PHF24: variants seen among roughly 807,000 people sequenced by gnomAD.
PHF24 encodes Galpha inhibitory interacting protein.
A neutral mutation model predicts 42.6 loss-of-function variants in PHF24; 25 were observed. That is an observed-to-expected ratio of 0.59 (90% CI 0.43 to 0.82). The LOEUF is 0.82. PHF24 is among the 40% of genes least tolerant of loss of function. The pLI, the probability that PHF24 is intolerant of heterozygous loss-of-function variation, is 0.00. For missense variants in PHF24, 470 were observed against 538.1 expected (o/e 0.87, Z 1.25); for synonymous variants, 185 against 204.8 (o/e 0.90, Z 0.83).
chr9:34,828,419 G>A, the PHF24 span, among the ~76,000 whole-genome samples: 43 of 152,132 alleles, frequency 2.8e-4, no homozygotes, highest in East Asian at 7.7e-3. Context: ...AACATCCGGC[G>A]TGCTATGTAT....
the PHF24 span, among the ~76,000 whole-genome samples, chr9:34,715,067 T>C: frequency 6.6e-6 from 1 of 152,018 alleles, no homozygotes; most frequent in African/African-American, 2.4e-5. Flanking sequence ...TTGAGGTCTG[T>C]CTGCTTGGTG....
chr9:34,709,369 C>T, the PHF24 span: 6 of 1,604,704 alleles, frequency 3.7e-6, no homozygotes, highest in South Asian at 6.7e-5. Flanking sequence ...GGTGGGGTCT[C>T]CAGGGCTCCA....
At chr9:34,683,356 C>T in the PHF24 span, among the ~76,000 whole-genome samples, 51 of 152,340 alleles carry the variant, frequency 3.3e-4, no homozygotes, top group African/African-American at 1.0e-3. Context: ...CCACCATGCC[C>T]GGCCAAAATA....
At chr9:34,817,081 G>A in the PHF24 span, among the ~76,000 whole-genome samples, 255 of 152,184 alleles carry the variant, frequency 1.7e-3, no homozygotes, top group African/African-American at 5.2e-3. Context: ...AAATCAACTA[G>A]GACAGATAAT....
the PHF24 span, among the ~76,000 whole-genome samples, chr9:34,888,911 G>C: frequency 6.6e-6 from 1 of 152,136 alleles, no homozygotes; most frequent in Non-Finnish European, 1.5e-5. Context: ...CCACATTCTA[G>C]GGTGGGGCTG....
the PHF24 span, among the ~76,000 whole-genome samples, chr9:34,927,284 C>G: frequency 6.6e-6 from 1 of 152,178 alleles, no homozygotes; most frequent in African/African-American, 2.4e-5. Flanking sequence ...TGGCATTCAG[C>G]CAACCGTGTG....
the PHF24 span, among the ~76,000 whole-genome samples, chr9:34,722,573 T>C: frequency 6.6e-6 from 1 of 152,222 alleles, no homozygotes; most frequent in Non-Finnish European, 1.5e-5. Context: ...TGTTCATTGA[T>C]GTGTTTTGCA....
chr9:34,832,865 G>T, the PHF24 span: 1 of 1,551,678 alleles, frequency 6.4e-7, no homozygotes. Flanking sequence ...AAGGATGACA[G>T]TTAGCTTGGT....
chr9:34,948,967 G>A, the PHF24 span, among the ~76,000 whole-genome samples: 18 of 152,122 alleles, frequency 1.2e-4, no homozygotes, highest in Middle Eastern at 3.2e-3. Context: ...AATGATAAGC[G>A]GGTTGATTCC....
the PHF24 span, among the ~76,000 whole-genome samples, chr9:34,745,073 G>A: frequency 5.9e-5 from 9 of 152,166 alleles, no homozygotes; most frequent in South Asian, 1.7e-3. Context: ...CTAAAGGAGT[G>A]CAGGGGTGTA....
the PHF24 span, among the ~76,000 whole-genome samples, chr9:34,682,853 G>C: frequency 1.3e-5 from 2 of 152,160 alleles, no homozygotes; most frequent in African/African-American, 4.8e-5. Context: ...GGTGGTGAAA[G>C]TGATGTCTAT....
the PHF24 span, among the ~76,000 whole-genome samples, chr9:34,788,448 T>C: frequency 1.3e-5 from 2 of 152,062 alleles, no homozygotes; most frequent in Non-Finnish European, 2.9e-5. Flanking sequence ...CTCCCTGTAC[T>C]CTCCTACACA....
At chr9:34,700,706 A>C in the PHF24 span, among the ~76,000 whole-genome samples, 1 of 152,172 alleles carries the variant, frequency 6.6e-6, no homozygotes, top group East Asian at 1.9e-4. Flanking sequence ...TGGTACTTAA[A>C]GGTATGAGAC....
chr9:34,846,001 G>C, the PHF24 span, among the ~76,000 whole-genome samples: 1 of 152,026 alleles, frequency 6.6e-6, no homozygotes, highest in Admixed American at 6.6e-5. Context: ...GTCTATCATT[G>C]TTGGACATAT....
At position 34,960,450 on chromosome 9, in the gene PHF24, T is replaced by A. The variant is rs576046845; in HGVS notation, c.-5+2049T>A. On this transcript the variant is annotated intron_variant, in intron 1 of 7. Transcript: ENST00000242315. ...GTGGAGTAAAGCCCGACAAAGGTTTTTGTTGGTTAGGACCTCCCCATTGTA... is the reference window on the plus strand; with the variant it reads ...GTGGAGTAAAGCCCGACAAAGGTTTATGTTGGTTAGGACCTCCCCATTGTA... 7.0e-4 allele frequency among the ~76,000 whole-genome samples: 107 copies of A among 152,328 alleles called. No homozygotes were observed. The South Asian group carries it at 0.017, about 24-fold the overall frequency.
At chr9:34,767,747 A>G in the PHF24 span, among the ~76,000 whole-genome samples, 3 of 152,310 alleles carry the variant, frequency 2.0e-5, no homozygotes, top group Admixed American at 6.5e-5. Context: ...CCCTAGTGAG[A>G]TGAACCGGGT....
chr9:34,851,546 G>T, the PHF24 span, among the ~76,000 whole-genome samples: 1 of 152,196 alleles, frequency 6.6e-6, no homozygotes. Context: ...CTGACCCCTT[G>T]CACTTCCCGA....
chr9:34,753,160 C>A, the PHF24 span, among the ~76,000 whole-genome samples: 2 of 152,022 alleles, frequency 1.3e-5, no homozygotes, highest in Non-Finnish European at 2.9e-5. Context: ...ACTGGAAGTC[C>A]TAGCTACAGC....
At chr9:34,755,058 G>A in the PHF24 span, among the ~76,000 whole-genome samples, 2 of 152,142 alleles carry the variant, frequency 1.3e-5, no homozygotes, top group Non-Finnish European at 2.9e-5. Context: ...CAGAGGCTGG[G>A]AGGGGTAGTT....
Sources: allele counts gnomAD v4.1 joint callset (sites outside exome capture counted in the v4.1 genomes callset), GRCh38; gene constraint gnomAD v4.1.1; transcripts MANE v1.5; gene names NCBI Gene and HGNC (gene_info 2026-07-23, HGNC 2026-07-21).